The following GPD2 variants were observed in gnomAD, a reference collection of about 807,000 sequenced individuals.
GPD2 encodes the protein glycerol-3-phosphate dehydrogenase, mitochondrial.
Under a neutral mutation model 82.4 loss-of-function variants are expected in GPD2, and 54 were observed. The ratio of observed to expected loss-of-function variants is 0.66; its 90% CI spans 0.53 to 0.82. The LOEUF (loss-of-function observed/expected upper bound fraction) is 0.82. Ranked by LOEUF, GPD2 falls within the 40% of genes least tolerant of loss-of-function variation. The pLI, the probability that GPD2 is intolerant of heterozygous loss-of-function variation, is 0.00. For missense variants in GPD2, 748 were observed against 896.2 expected (o/e 0.83, Z 2.11); for synonymous variants, 288 against 306.1 (o/e 0.94, Z 0.62).
intron 1 of GPD2, among the ~76,000 whole-genome samples, chr2:156,458,164 C>A (rs1012861074): frequency 6.6e-6 from 1 of 152,126 alleles, no homozygotes; most frequent in Non-Finnish European, 1.5e-5. Context: ...TAAATTATCA[C>A]AGGGTGGGGA....
At position 156,584,558 on chromosome 2, in the gene GPD2, C is replaced by G. The variant is rs1688148259; in HGVS notation, c.*1640C>G. The G allele has an allele frequency of 6.6e-6, 1 of 152,450 alleles. No homozygotes were observed. Among genetic ancestry groups the G allele is most frequent in the South Asian group, 2.1e-4 (1 of 4,836 alleles). 9.4% of individuals were successfully genotyped at this position (152,450 alleles called of 1,614,324 possible). On this transcript the variant is annotated 3_prime_UTR_variant, in exon 17 of 17. Coordinates refer to ENST00000438166, the MANE Select transcript of GPD2 (RefSeq NM_000408.5). ...AAACAGAAACTGCAGAGAAAGACAG[C>G]ATCTTAGCTCATTTTGTTTTTAAAT...
chr2:156,577,209 C>T (rs971837967), intron 13 of GPD2, among the ~76,000 whole-genome samples: 2 of 152,132 alleles, frequency 1.3e-5, no homozygotes. Context: ...TGGCTGGGCA[C>T]AGTGCTTCAT....
chr2:156,496,786 A>G (rs574742013), intron 3 of GPD2, among the ~76,000 whole-genome samples: 20 of 152,244 alleles, frequency 1.3e-4, no homozygotes, highest in African/African-American at 4.6e-4. Flanking sequence ...ATCACATATC[A>G]GTCAATGGTA....
intron 3 of GPD2, among the ~76,000 whole-genome samples, chr2:156,508,171 C>T (rs1366493981): frequency 1.3e-5 from 2 of 152,018 alleles, no homozygotes; most frequent in African/African-American, 4.8e-5. Context: ...CTCTGCATCC[C>T]TCATAGTGGA....
Position 156,583,020 on chromosome 2 carries a change from C to A in GPD2, c.*102C>A. Reference sequence around the variant, plus strand: ...ACTCTGAAATAATGAATGTGGATAGCTGCCTTTTTTAACACTAGAAAACAT... The same window carrying A: ...ACTCTGAAATAATGAATGTGGATAGATGCCTTTTTTAACACTAGAAAACAT... On this transcript the variant is annotated 3_prime_UTR_variant, in exon 17 of 17. Coordinates refer to ENST00000438166, the MANE Select transcript of GPD2 (RefSeq NM_000408.5). 1 of 1,295,540 alleles carries A rather than the reference C, an allele frequency of 7.7e-7. No individual in the cohort carries two copies. The highest frequency in any genetic ancestry group is 1.1e-6 in the Non-Finnish European group (1 of 901,874). The allele number at this position is 1,295,540 out of a possible 1,614,324, so 80.3% of individuals were successfully genotyped here.
intron 9 of GPD2, among the ~76,000 whole-genome samples, chr2:156,564,389 G>T (rs757744952): frequency 1.3e-5 from 2 of 152,074 alleles, no homozygotes; most frequent in Non-Finnish European, 1.5e-5. Context: ...AAAAACTTTC[G>T]TTAGGGTTTA....
chr2:156,476,864 A>C (rs1002982434), intron 2 of GPD2, among the ~76,000 whole-genome samples: 4 of 152,112 alleles, frequency 2.6e-5, no homozygotes, highest in African/African-American at 9.7e-5. Flanking sequence ...GCTGGCAACC[A>C]CCGTAGTAGT....
At chr2:156,465,093 C>G (rs1683105624) in intron 1 of GPD2, among the ~76,000 whole-genome samples, 1 of 152,114 alleles carries the variant, frequency 6.6e-6, no homozygotes, top group Non-Finnish European at 1.5e-5. Flanking sequence ...TCAAGTGATC[C>G]ACCCGCCACG....
intron 1 of GPD2, among the ~76,000 whole-genome samples, chr2:156,473,347 A>C (rs2105196585): frequency 6.6e-6 from 1 of 152,346 alleles, no homozygotes; most frequent in East Asian, 1.9e-4. Flanking sequence ...TCTCTGACAA[A>C]TCAAATTAAA....
rs573298636 is a variant in GPD2, at chr2:156,553,300, C to T, written c.971+2554C>T. Among the ~76,000 whole-genome samples, 20 of 152,070 alleles carry T rather than the reference C, an allele frequency of 1.3e-4. 1 individual carries two copies. The highest frequency in any genetic ancestry group is 8.5e-4 in the Admixed American group (13 of 15,282). ...CCAGCTATTGGTACGGTGTCTGGCA[C>T]GTATTAGTGCCCAGTAAATATTTTT... is the stretch of plus-strand genomic sequence containing the variant. On this transcript the variant is annotated intron_variant, in intron 8 of 16. Transcript: ENST00000438166.
intron 6 of GPD2, among the ~76,000 whole-genome samples, chr2:156,534,904 T>C (rs995819609): frequency 3.3e-5 from 5 of 152,096 alleles, no homozygotes; most frequent in African/African-American, 9.7e-5. Flanking sequence ...ATACCTAATA[T>C]GGGTATGTGT....
intron 9 of GPD2, among the ~76,000 whole-genome samples, chr2:156,561,246 C>T (rs1558962143): frequency 6.6e-6 from 1 of 151,874 alleles, no homozygotes. Context: ...CTGTGTTTCA[C>T]CATGTTGGTC....
chr2:156,569,834 G>C (rs1687546205), intron 11 of GPD2, among the ~76,000 whole-genome samples: 1 of 152,104 alleles, frequency 6.6e-6, no homozygotes, highest in Non-Finnish European at 1.5e-5. Context: ...TTCAGAAGTG[G>C]TATCAGGAGC....
intron 1 of GPD2, among the ~76,000 whole-genome samples, chr2:156,438,057 G>A (rs1269322892): frequency 6.6e-6 from 1 of 152,142 alleles, no homozygotes. Context: ...AATGCCTGGA[G>A]TGGTGACTAG....
In GPD2 at chr2:156,582,992, A is replaced by G. The variant is rs1372714656; in HGVS notation, c.*74A>G. 5 of 1,490,568 alleles carry G rather than the reference A, an allele frequency of 3.4e-6. No individual in the cohort carries two copies. The highest frequency in any genetic ancestry group is 1.7e-5 in the Admixed American group (1 of 58,960). The allele number at this position is 1,490,568 out of a possible 1,614,324, so 92.3% of individuals were successfully genotyped here. On this transcript the variant is annotated 3_prime_UTR_variant, in exon 17 of 17. Transcript: ENST00000438166. ...CATGTAACAACCAGAGATGACTGAA[A>G]CCACTCTGAAATAATGAATGTGGAT...
intron 6 of GPD2, among the ~76,000 whole-genome samples, chr2:156,519,901 A>G (rs1685336488): frequency 6.6e-6 from 1 of 152,212 alleles, no homozygotes; most frequent in African/African-American, 2.4e-5. Flanking sequence ...GCTAAGTATT[A>G]AGCAGCTCAG....
At chr2:156,488,117 T>C (rs1684013547) in intron 2 of GPD2, among the ~76,000 whole-genome samples, 2 of 152,076 alleles carry the variant, frequency 1.3e-5, no homozygotes, top group South Asian at 4.1e-4. Context: ...CCAGTGGAGA[T>C]GACAGTGTAA....
intron 6 of GPD2, among the ~76,000 whole-genome samples, chr2:156,520,521 G>A (rs1685361894): frequency 6.6e-6 from 1 of 151,124 alleles, no homozygotes; most frequent in African/African-American, 2.4e-5. Context: ...GTAATGTATT[G>A]TTCAGTTTTA....
In GPD2 at chr2:156,556,472, T is replaced by C. The variant is rs1173217154; in HGVS notation, c.972-917T>C. 2.0e-5 allele frequency among the ~76,000 whole-genome samples: 3 copies of C among 152,340 alleles called. No individual in the cohort carries two copies. In the East Asian group the frequency reaches 5.8e-4, roughly 29 times the overall value. On this transcript the variant is annotated intron_variant, in intron 8 of 16. Coordinates refer to ENST00000438166, the MANE Select transcript of GPD2 (RefSeq NM_000408.5). ...GAAATAAAACATCAGCTTTTAGTGA[T>C]TTAAAAACAAAATGATGGGTTTTGT...
Sources: allele counts gnomAD v4.1 joint callset (sites outside exome capture counted in the v4.1 genomes callset), GRCh38; gene constraint gnomAD v4.1.1; transcripts MANE v1.5; gene names NCBI Gene and HGNC (gene_info 2026-07-23, HGNC 2026-07-21).